The following PDE4B variants were observed in gnomAD, a reference collection of about 807,000 sequenced individuals.
The protein encoded by PDE4B is phosphodiesterase 4B.
PDE4B carries 20 observed loss-of-function variants against 82.2 expected under a neutral mutation model. The ratio of observed to expected loss-of-function variants is 0.24; its 90% CI spans 0.17 to 0.35. The LOEUF (loss-of-function observed/expected upper bound fraction) is 0.35, where lower values mean the gene tolerates loss of function less well. Ranked by LOEUF, PDE4B falls within the 10% of genes least tolerant of loss-of-function variation. The probability of loss-of-function intolerance (pLI) is 1.00; values close to 1 mark genes in which losing one functional copy is unlikely to be tolerated. For synonymous variants in PDE4B, 320 were observed against 318.9 expected (o/e 1.00, Z -0.04); for missense variants, 655 against 907.2 (o/e 0.72, Z 3.57).
chr1:65,796,856 G>T (rs1395696990), intron 1 of PDE4B, among the ~76,000 whole-genome samples: 1 of 151,690 alleles, frequency 6.6e-6, no homozygotes, highest in Non-Finnish European at 1.5e-5. Context: ...TCACCATTTT[G>T]GCTAGGATGG....
intron 3 of PDE4B, among the ~76,000 whole-genome samples, chr1:66,180,795 A>C (rs1411305975): frequency 6.6e-6 from 1 of 152,142 alleles, no homozygotes; most frequent in Non-Finnish European, 1.5e-5. Flanking sequence ...AATGATTCTC[A>C]AGTTGATAGC....
In PDE4B at chr1:66,276,017, A is replaced by G. The variant is rs139258921; in HGVS notation, c.634+9930A>G. Among the ~76,000 whole-genome samples the G allele has an allele frequency of 1.3e-3, 196 of 152,272 alleles. 1 individual carries two copies. The highest frequency in any genetic ancestry group is 4.1e-3 in the African/African-American group (172 of 41,552). Reference sequence around the variant, plus strand: ...TGAATCTTACAGGCAGCCAGGTCAGATAATGCTATTTTCTCTCTGCCCCCT... The same window carrying G: ...TGAATCTTACAGGCAGCCAGGTCAGGTAATGCTATTTTCTCTCTGCCCCCT... On this transcript the variant is annotated intron_variant, in intron 7 of 16. Transcript: ENST00000341517.
intron 7 of PDE4B, among the ~76,000 whole-genome samples, chr1:66,295,409 A>C (rs1167475794): frequency 6.6e-6 from 1 of 151,974 alleles, no homozygotes; most frequent in African/African-American, 2.4e-5. Context: ...ATTCTATTAT[A>C]TTTTATTCCA....
At chr1:65,800,832 A>G (rs746985775) in intron 1 of PDE4B, among the ~76,000 whole-genome samples, 10 of 152,218 alleles carry the variant, frequency 6.6e-5, no homozygotes, top group Non-Finnish European at 1.5e-4. Flanking sequence ...ACATAGCACA[A>G]TTTGGGGAAC....
At chr1:66,092,415 T>G (rs1570209303) in intron 3 of PDE4B, among the ~76,000 whole-genome samples, 1 of 152,148 alleles carries the variant, frequency 6.6e-6, no homozygotes, top group South Asian at 2.1e-4. Flanking sequence ...ACCATATATA[T>G]TCCTCTGCAT....
intron 3 of PDE4B, among the ~76,000 whole-genome samples, chr1:66,081,920 A>G (rs774076004): frequency 6.6e-6 from 1 of 151,726 alleles, no homozygotes; most frequent in Non-Finnish European, 1.5e-5. Flanking sequence ...TTAAAATAGC[A>G]TGTACTCATT....
At chr1:66,333,238 G>A (rs1047376534) in intron 8 of PDE4B, among the ~76,000 whole-genome samples, 1 of 152,144 alleles carries the variant, frequency 6.6e-6, no homozygotes, top group African/African-American at 2.4e-5. Flanking sequence ...ATTTGAAATT[G>A]CTTCATGCAT....
intron 1 of PDE4B, among the ~76,000 whole-genome samples, chr1:65,834,804 C>T (rs1176043749): frequency 1.3e-5 from 2 of 152,144 alleles, no homozygotes; most frequent in Non-Finnish European, 2.9e-5. Flanking sequence ...TTCTAAATCA[C>T]ACCAAAATCA....
chr1:66,353,480 T>A (rs913371820), intron 8 of PDE4B, among the ~76,000 whole-genome samples: 2 of 152,198 alleles, frequency 1.3e-5, no homozygotes, highest in Non-Finnish European at 2.9e-5. Context: ...GAAAGGGGAA[T>A]GCCTCACAGG....
intron 12 of PDE4B, 119 bp from the exon 13 acceptor site, chr1:66,365,548 T>C: frequency 1.8e-6 from 1 of 565,930 alleles, no homozygotes. Flanking sequence ...TATTGAGATA[T>C]TACATAAATC....
chr1:66,094,764 T>G (rs575482215), intron 3 of PDE4B, among the ~76,000 whole-genome samples: 1 of 152,074 alleles, frequency 6.6e-6, no homozygotes, highest in Admixed American at 6.6e-5. Flanking sequence ...TAGCTAACAT[T>G]TATAGGGCCA....
At chr1:66,127,058 T>C (rs1320745603) in intron 3 of PDE4B, among the ~76,000 whole-genome samples, 2 of 152,112 alleles carry the variant, frequency 1.3e-5, no homozygotes, top group African/African-American at 4.8e-5. Context: ...AAATGGAATA[T>C]GAGATACTGG....
chr1:66,367,807 C>A lies in PDE4B; in HGVS notation c.1496C>A (p.Thr499Asn). ...EEHCDIFMNL[T>N]KKQRQTLRKM... ...CACTGTGACATCTTCATGAATCTCA[C>A]CAAGAAGCAGCGTCAGACACTCAGG... The change falls in exon 14 of 17, where the codon ACC (threonine) becomes AAC (asparagine). Residue 499 changes from threonine (T) to asparagine (N), a missense_variant. Physicochemically the swap from Thr to Asn is moderately conservative, Grantham distance 65. Around this residue, in one of 3 missense-constraint regions of PDE4B, gnomAD observed 283 missense variants for 516.4 expected, o/e 0.55. Coordinates refer to ENST00000341517, the MANE Select transcript of PDE4B (RefSeq NM_002600.4). 1 of 1,613,820 alleles carries A rather than the reference C, an allele frequency of 6.2e-7. No homozygotes were observed. The highest frequency in any genetic ancestry group is 8.5e-7 in the Non-Finnish European group (1 of 1,179,814).
At position 66,129,521 on chromosome 1, in the gene PDE4B, G is replaced by A. The variant is rs558033033; in HGVS notation, c.282-117939G>A. ...AAATACAAAAAAAAATTAGCCGGGC[G>A]TAGTGGCGGGCGCCTGTAGTCCCAG... On this transcript the variant is annotated intron_variant, in intron 3 of 16. Coordinates refer to ENST00000341517, the MANE Select transcript of PDE4B (RefSeq NM_002600.4). Among the ~76,000 whole-genome samples, 1,052 of 150,634 alleles carry A rather than the reference G, an allele frequency of 7.0e-3. 10 individuals are homozygous for A. Among genetic ancestry groups the A allele is most frequent in the African/African-American group, 0.024 (980 of 41,208 alleles).
intron 3 of PDE4B, among the ~76,000 whole-genome samples, chr1:66,083,309 T>A: frequency 6.6e-6 from 1 of 152,078 alleles, no homozygotes; most frequent in East Asian, 1.9e-4. Context: ...CCAGCCTAAC[T>A]ATATAATCAT....
chr1:65,868,212 T>C (rs1427894773), intron 1 of PDE4B, among the ~76,000 whole-genome samples: 2 of 152,204 alleles, frequency 1.3e-5, no homozygotes, highest in African/African-American at 4.8e-5. Flanking sequence ...AATTCACTGA[T>C]TGATGCTGCC....
rs1056159550 is a variant in PDE4B at position 66,225,559 on chromosome 1, G to T, written c.282-21901G>T. Among the ~76,000 whole-genome samples the T allele has an allele frequency of 2.6e-5, 4 of 152,252 alleles. No individual in the cohort carries two copies. The South Asian group carries it at 8.3e-4, about 32-fold the overall frequency. On this transcript the variant is annotated intron_variant, in intron 3 of 16. Transcript: ENST00000341517. ...AGGCACAGGTATACCAGCTCCCATG[G>T]CATTTCTCCTGATGGGCTCTAGAGC...
chr1:66,352,187 T>G (rs1482494259), intron 8 of PDE4B, among the ~76,000 whole-genome samples: 14 of 152,306 alleles, frequency 9.2e-5, no homozygotes, highest in Admixed American at 9.2e-4. Flanking sequence ...CTAAGTGACC[T>G]CCATTTGCAT....
intron 3 of PDE4B, among the ~76,000 whole-genome samples, chr1:66,111,178 GA>G (rs1020247463): frequency 1.3e-5 from 2 of 151,958 alleles, no homozygotes; most frequent in African/African-American, 4.8e-5. Context: ...CAAGATTTAA[GA>G]AAAAACTTAT....
Sources: allele counts gnomAD v4.1 joint callset (sites outside exome capture counted in the v4.1 genomes callset), GRCh38; gene constraint gnomAD v4.1.1; regional missense constraint gnomAD v4.1.1; transcripts MANE v1.5; gene names NCBI Gene and HGNC (gene_info 2026-07-23, HGNC 2026-07-21).